The following CELSR1 variants were observed in gnomAD, a reference collection of about 807,000 sequenced individuals.
CELSR1 encodes the protein adhesion G protein-coupled receptor C1.
CELSR1 carries 110 observed loss-of-function variants against 249.1 expected under a neutral mutation model. The ratio of observed to expected loss-of-function variants is 0.44; its 90% CI spans 0.38 to 0.52. The LOEUF (loss-of-function observed/expected upper bound fraction) is 0.52, where lower values mean the gene tolerates loss of function less well. CELSR1 is among the 20% of genes least tolerant of loss of function. CELSR1 has a pLI of 0.00. For synonymous variants in CELSR1, 2,113 were observed against 1,900.0 expected (o/e 1.11, Z -2.92); for missense variants, 4,109 against 4,296.4 (o/e 0.96, Z 1.22).
At position 46,391,797 on chromosome 22, in the gene CELSR1, A is replaced by C. The variant is rs6008794; in HGVS notation, c.5984T>G (p.Leu1995Arg). 6.2e-7 allele frequency: 1 copy of C among 1,609,696 alleles called. No homozygotes were observed. Among genetic ancestry groups the C allele is most frequent in the Non-Finnish European group, 8.5e-7 (1 of 1,178,792 alleles). ...GCAGGGCAGACAGGTGTCCTGGGCT[A>C]GGAGCTTGTAGTAATTCTCCTGCAA... is the stretch of plus-strand genomic sequence containing the variant. Reference protein sequence around the residue: ...CQCKENYYKLLAQDTCLPCDC... With the variant: ...CQCKENYYKLRAQDTCLPCDC... The change falls in exon 15 of 35, where the codon CTA (leucine) becomes CGA (arginine). Residue 1995 changes from leucine to arginine, a missense_variant. By Grantham distance (102) the Leu-to-Arg change is moderately radical. Transcript: ENST00000674500. The surrounding 1 kb of genome is among the most constrained non-coding windows in gnomAD (Gnocchi z 4.3).
chr22:46,470,525 G>C (rs997007707), intron 1 of CELSR1, among the ~76,000 whole-genome samples: 1 of 152,018 alleles, frequency 6.6e-6, no homozygotes, highest in Admixed American at 6.6e-5. Context: ...ACAGAAAATA[G>C]CATTAAATAT....
At chr22:46,456,991 T>A (rs887216931) in intron 2 of CELSR1, among the ~76,000 whole-genome samples, 3 of 152,114 alleles carry the variant, frequency 2.0e-5, no homozygotes, top group African/African-American at 7.2e-5. Flanking sequence ...CGCTCCCAAG[T>A]GGCTACTCAC....
intron 19 of CELSR1, among the ~76,000 whole-genome samples, chr22:46,385,083 C>T (rs966886090): frequency 7.9e-5 from 12 of 152,130 alleles, no homozygotes; most frequent in African/African-American, 2.4e-4. Context: ...TGAGCCACCA[C>T]GCCCAGCCTA....
chr22:46,533,970 C>A lies in CELSR1; in HGVS notation c.3201G>T (p.Arg1067=). The A allele has an allele frequency of 6.2e-7, 1 of 1,613,550 alleles. No individual in the cohort carries two copies. The highest frequency in any genetic ancestry group is 8.5e-7 in the Non-Finnish European group (1 of 1,180,048). The change falls in exon 1 of 35, where the codon CGG becomes CGT. Residue 1067 remains arginine (R), a synonymous_variant. Transcript: ENST00000674500. ...RAMVELDFEV[R]REYVLVVQAT... ...CCTGCACCACCAGCACATACTCCCG[C>A]CGGACCTCAAAGTCCAGCTCCACCA... is the stretch of plus-strand genomic sequence containing the variant.
At position 46,427,990 on chromosome 22, in the gene CELSR1, G is replaced by A. The variant is rs563932039; in HGVS notation, c.4611+5403C>T. Among the ~76,000 whole-genome samples, 24 of 152,244 alleles carry A rather than the reference G, an allele frequency of 1.6e-4. No individual in the cohort carries two copies. The highest frequency in any genetic ancestry group is 1.2e-3 in the South Asian group (6 of 4,818). On this transcript the variant is annotated intron_variant, in intron 5 of 34. Transcript: ENST00000674500. This position sits in a 1 kb window ranked among gnomAD's most constrained non-coding sequence, Gnocchi z 4.2. ...CATCTCCCACTCTCCTTGGGACTCT[G>A]GGGTTTAATGTGCAGCACAGACCCA...
rs1436430923 is a variant in CELSR1 at position 46,472,991 on chromosome 22, G to C, written c.3545-8646C>G. ...TTTCCAAATAACATCCCACTCTGAGGTTCCAGGTGGATGTGAATTTTGGGG... is the reference window on the plus strand; with the variant it reads ...TTTCCAAATAACATCCCACTCTGAGCTTCCAGGTGGATGTGAATTTTGGGG... On this transcript the variant is annotated intron_variant, in intron 1 of 34. Coordinates refer to ENST00000674500, the MANE Select transcript of CELSR1 (RefSeq NM_001378328.1). The surrounding 1 kb of genome is among the most constrained non-coding windows in gnomAD (Gnocchi z 7.0). Among the ~76,000 whole-genome samples the C allele has an allele frequency of 1.3e-5, 2 of 152,166 alleles. No homozygotes were observed. Among genetic ancestry groups the C allele is most frequent in the East Asian group, 1.9e-4 (1 of 5,190 alleles).
intron 2 of CELSR1, among the ~76,000 whole-genome samples, chr22:46,451,628 A>G (rs904132051): frequency 2.0e-5 from 3 of 152,112 alleles, no homozygotes; most frequent in Non-Finnish European, 4.4e-5. Flanking sequence ...CCTCGGGGAC[A>G]CAGCCTTTCA....
intron 30 of CELSR1, 73 bp downstream of exon 30, chr22:46,366,313 A>G: frequency 2.5e-6 from 3 of 1,180,046 alleles, no homozygotes; most frequent in Non-Finnish European, 3.6e-6. Context: ...GGCAGGACAC[A>G]GGTTGGGGTG....
In CELSR1 at chr22:46,534,437, G is replaced by C. The variant is rs2080827507; in HGVS notation, c.2734C>G (p.Leu912Val). The C allele has an allele frequency of 6.2e-7, 1 of 1,612,924 alleles. No individual in the cohort carries two copies. The highest frequency in any genetic ancestry group is 8.5e-7 in the Non-Finnish European group (1 of 1,180,032). The change falls in exon 1 of 35, where the codon CTC becomes GTC. Residue 912 changes from leucine (L) to valine (V), a missense_variant. By Grantham distance (32) the Leu-to-Val change is conservative (BLOSUM62 1). This residue lies in a region of CELSR1 where 886 missense variants were observed against 896.5 expected (regional missense o/e 0.99). Transcript: ENST00000674500. This position sits in a 1 kb window ranked among gnomAD's most constrained non-coding sequence, Gnocchi z 9.7. ...TCCCGGTCCGTGGCAGAGACCTGGA[G>C]GATGCTGGTCGAGGGTGGAGCATCC... ...FEDAPPSTSILQVSATDRDSG... is the reference protein window; with the variant it reads ...FEDAPPSTSIVQVSATDRDSG...
rs1474111361 is a variant in CELSR1, at chr22:46,363,852, TC to T, written c.9035+143del. The T allele has an allele frequency of 2.7e-6, 3 of 1,126,316 alleles. No homozygotes were observed. Among genetic ancestry groups the T allele is most frequent in the Non-Finnish European group, 3.6e-6 (3 of 825,008 alleles). 69.8% of individuals were successfully genotyped at this position (1,126,316 alleles called of 1,614,324 possible). On this transcript the variant is annotated intron_variant, in intron 34 of 34. Coordinates refer to ENST00000674500, the MANE Select transcript of CELSR1 (RefSeq NM_001378328.1). The surrounding 1 kb of genome is among the most constrained non-coding windows in gnomAD (Gnocchi z 4.3). ...GACCTCAGCTGCAGCGCCTCCCCCCTCCCCCATCCCCGCCTGGGCTTCCTCT... is the reference window on the plus strand; with the variant it reads ...GACCTCAGCTGCAGCGCCTCCCCCCTCCCCATCCCCGCCTGGGCTTCCTCT...
chr22:46,514,670 G>A (rs1179259992), intron 1 of CELSR1, among the ~76,000 whole-genome samples: 1 of 152,200 alleles, frequency 6.6e-6, no homozygotes, highest in Non-Finnish European at 1.5e-5. Context: ...GCATCAAAGA[G>A]AAGAGTCACT....
At chr22:46,497,740 C>T (rs962772825) in intron 1 of CELSR1, among the ~76,000 whole-genome samples, 3 of 152,152 alleles carry the variant, frequency 2.0e-5, no homozygotes, top group South Asian at 2.1e-4. Flanking sequence ...ACTGTTCAAC[C>T]TACTACATGG....
Position 46,430,184 on chromosome 22 carries a change from A to C in CELSR1, c.4611+3209T>G, listed in dbSNP as rs1769168539. ...ACACAGCCACTCTGGAGGGCGGGGG[A>C]CAGAGAACGAGACTGAAGAGAGGAG... On this transcript the variant is annotated intron_variant, in intron 5 of 34. Coordinates refer to ENST00000674500, the MANE Select transcript of CELSR1 (RefSeq NM_001378328.1). The surrounding 1 kb of genome is among the most constrained non-coding windows in gnomAD (Gnocchi z 4.6). Among the ~76,000 whole-genome samples the C allele has an allele frequency of 1.3e-5, 2 of 152,190 alleles. No individual in the cohort carries two copies. The highest frequency in any genetic ancestry group is 1.5e-5 in the Non-Finnish European group (1 of 68,038).
At position 46,426,088 on chromosome 22, in the gene CELSR1, G is replaced by A. The variant is rs576263350; in HGVS notation, c.4611+7305C>T. 4.7e-5 allele frequency among the ~76,000 whole-genome samples: 7 copies of A among 150,072 alleles called. No homozygotes were observed. In the South Asian group the frequency reaches 8.5e-4, roughly 18 times the overall value. The stretch of plus-strand genomic sequence containing the variant: ...AGACCCATCTCCAACTGCTGGAGTC[G>A]GCTAGTACCATCAGGGCTGAGTGAG... On this transcript the variant is annotated intron_variant, in intron 5 of 34. Coordinates refer to ENST00000674500, the MANE Select transcript of CELSR1 (RefSeq NM_001378328.1).
At chr22:46,426,241 G>A (rs1284138557) in intron 5 of CELSR1, among the ~76,000 whole-genome samples, 2 of 150,640 alleles carry the variant, frequency 1.3e-5, no homozygotes, top group Admixed American at 1.3e-4. Context: ...TGAGGAAAAT[G>A]AGAACAAGGT....
chr22:46,380,982 G>T lies in CELSR1; in HGVS notation c.7089-27C>A. ...TGAGGTCAAGAAGCCAGAGCATGGG[G>T]ACAAACACGGTGAGGAAACATCTGC... On this transcript the variant is annotated intron_variant, in intron 21 of 34. Transcript: ENST00000674500. The surrounding 1 kb of genome is among the most constrained non-coding windows in gnomAD (Gnocchi z 5.1). 2 of 1,604,814 alleles carry T rather than the reference G, an allele frequency of 1.2e-6. No individual in the cohort carries two copies. The highest frequency in any genetic ancestry group is 2.2e-5 in the South Asian group (2 of 90,820).
rs1479592090 is a variant in CELSR1, at chr22:46,526,641, C to G, written c.3544+6986G>C. Among the ~76,000 whole-genome samples the G allele has an allele frequency of 6.6e-6, 1 of 152,196 alleles. No individual in the cohort carries two copies. The highest frequency in any genetic ancestry group is 1.5e-5 in the Non-Finnish European group (1 of 68,040). On this transcript the variant is annotated intron_variant, in intron 1 of 34. Transcript: ENST00000674500. The surrounding 1 kb of genome is among the most constrained non-coding windows in gnomAD (Gnocchi z 4.7). ...ACCCCCTCGGAGACACTCGCCCTCC[C>G]TCAGCCTCCAGGGCCTGCACCCGTG...
chr22:46,377,701 C>T (rs557484795), intron 23 of CELSR1: 1 of 196,152 alleles, frequency 5.1e-6, no homozygotes, highest in African/African-American at 2.3e-5. Context: ...ACCCCGTCTC[C>T]AGGCTGGGTC....
In CELSR1 at chr22:46,533,732, C is replaced by T. The variant is rs1205761230; in HGVS notation, c.3439G>A (p.Glu1147Lys). 2 of 1,613,208 alleles carry T rather than the reference C, an allele frequency of 1.2e-6. No homozygotes were observed. The highest frequency in any genetic ancestry group is 2.2e-5 in the East Asian group (1 of 44,882). Residue 1147 changes from glutamate (E) to lysine (K), a missense_variant, in exon 1 of 35, where the codon GAG becomes AAG. Transcript: ENST00000674500. ...GGGTCCAGCAGCAACAGGCGCAGCT[C>T]GTTGCCCTGCACGAAGGTGTAGTTG... is the stretch of plus-strand genomic sequence containing the variant. ...SLNYTFVQGNELRLLLLDPAT... is the reference protein window; with the variant it reads ...SLNYTFVQGNKLRLLLLDPAT...
Sources: gnomAD v4.1 joint callset for allele counts (sites outside exome capture counted in the v4.1 genomes callset) on GRCh38, gnomAD v4.1.1 for gene constraint, gnomAD v4.1.1 regional missense constraint, Gnocchi (gnomAD v3.1) non-coding constraint, MANE v1.5 for transcripts, NCBI Gene and HGNC (gene_info 2026-07-23, HGNC 2026-07-21) for gene names.